The following NKAIN3 variants were observed in gnomAD, a reference collection of about 807,000 sequenced individuals.
NKAIN3 encodes sodium/potassium transporting ATPase interacting 3.
A neutral mutation model predicts 30.2 loss-of-function variants in NKAIN3; 25 were observed. The ratio of observed to expected loss-of-function variants is 0.83; its 90% CI spans 0.60 to 1.16. The LOEUF is 1.16. NKAIN3 is among the 50% of genes most tolerant of loss of function. NKAIN3 has a pLI of 0.00. For synonymous variants in NKAIN3, 91 were observed against 89.6 expected, an observed-to-expected ratio of 1.02 and a Z score of -0.09; for missense variants, 225 against 254.1, an observed-to-expected ratio of 0.89 and a Z score of 0.78.
intron 4 of NKAIN3, among the ~76,000 whole-genome samples, chr8:62,843,303 TTTAATTAATTAA>T (rs869033734): frequency 5.3e-5 from 8 of 151,352 alleles, no homozygotes; most frequent in African/African-American, 1.7e-4. Flanking sequence ...TTTTTCTTTT[TTTAATTAATTAA>T]TTAATTAATT....
intron 1 of NKAIN3, among the ~76,000 whole-genome samples, chr8:62,567,556 A>G (rs2130003708): frequency 6.6e-6 from 1 of 152,260 alleles, no homozygotes; most frequent in African/African-American, 2.4e-5. Context: ...GCTCAATGTA[A>G]TTATAAAGGT....
chr8:62,863,750 T>C (rs1820331104), intron 4 of NKAIN3: 1 of 1,604,200 alleles, frequency 6.2e-7, no homozygotes, highest in African/African-American at 1.3e-5. Context: ...TCTTTTCCCC[T>C]ACATATCCCA....
intron 4 of NKAIN3, among the ~76,000 whole-genome samples, chr8:62,756,048 C>G (rs1816442023): frequency 6.6e-6 from 1 of 152,120 alleles, no homozygotes; most frequent in South Asian, 2.1e-4. Flanking sequence ...GCAGTATACT[C>G]TCTTGGTGAA....
chr8:62,389,643 A>G (rs1024962159), intron 1 of NKAIN3, among the ~76,000 whole-genome samples: 34 of 152,228 alleles, frequency 2.2e-4, no homozygotes, highest in African/African-American at 7.5e-4. Flanking sequence ...TTGTGGATCT[A>G]TGTTGCCTAT....
intron 4 of NKAIN3, among the ~76,000 whole-genome samples, chr8:62,817,250 A>G (rs1032291358): frequency 5.9e-5 from 9 of 152,144 alleles, no homozygotes; most frequent in African/African-American, 2.2e-4. Context: ...TTAAATGTGC[A>G]CAGTTTAAAG....
rs1212042337 is a variant in NKAIN3 at position 62,333,495 on chromosome 8, A to G, written c.54+84368A>G. 1.3e-4 allele frequency among the ~76,000 whole-genome samples: 20 copies of G among 152,214 alleles called. No homozygotes were observed. The East Asian group carries it at 3.7e-3, about 28-fold the overall frequency. ...CTTAAGTGAGGTTTAATGTCAATTA[A>G]GAAACACTGCAGTGCCCTTACTGGA... On this transcript the variant is annotated intron_variant, in intron 1 of 6. Coordinates refer to ENST00000623646, the MANE Select transcript of NKAIN3 (RefSeq NM_001304533.3).
At chr8:62,316,274 G>A (rs1814623550) in intron 1 of NKAIN3, among the ~76,000 whole-genome samples, 1 of 151,886 alleles carries the variant, frequency 6.6e-6, no homozygotes, top group Non-Finnish European at 1.5e-5. Context: ...GCTCATTGTA[G>A]CATTTTGGAT....
downstream of NKAIN3, among the ~76,000 whole-genome samples, chr8:62,988,929 C>T (rs4425750): frequency 0.11 from 17,470 of 152,200 alleles, 1,155 homozygotes; most frequent in East Asian, 0.24. Context: ...AATTTCTTCC[C>T]CCAGATATGC....
chr8:62,526,134 G>A (rs921278849), intron 1 of NKAIN3, among the ~76,000 whole-genome samples: 1 of 152,142 alleles, frequency 6.6e-6, no homozygotes, highest in African/African-American at 2.4e-5. Context: ...ACTATGGAAT[G>A]AGAGAAGGGC....
intron 4 of NKAIN3, among the ~76,000 whole-genome samples, chr8:62,892,861 A>C (rs563618748): frequency 1.3e-5 from 2 of 152,164 alleles, no homozygotes; most frequent in Non-Finnish European, 2.9e-5. Context: ...AAGAGTTAAA[A>C]AATGGCAATG....
chr8:62,927,797 G>A (rs183559275), intron 5 of NKAIN3, among the ~76,000 whole-genome samples: 7 of 152,168 alleles, frequency 4.6e-5, no homozygotes, highest in African/African-American at 1.4e-4. Flanking sequence ...CATTCACACT[G>A]TTATACTAAA....
chr8:62,471,884 A>G (rs13270105), intron 1 of NKAIN3, among the ~76,000 whole-genome samples: 79,760 of 151,940 alleles, frequency 0.52, 21,757 homozygotes, highest in Non-Finnish European at 0.6. Flanking sequence ...GGTCAAGACT[A>G]TGGTGAGCTA....
At chr8:62,877,180 A>G (rs776825446) in intron 4 of NKAIN3, among the ~76,000 whole-genome samples, 2 of 152,086 alleles carry the variant, frequency 1.3e-5, no homozygotes, top group African/African-American at 4.8e-5. Context: ...GGAGCTCTGA[A>G]CCAAAGGCTC....
intron 4 of NKAIN3, among the ~76,000 whole-genome samples, chr8:62,827,340 C>T (rs187186754): frequency 6.6e-6 from 1 of 152,254 alleles, no homozygotes; most frequent in East Asian, 1.9e-4. Flanking sequence ...GCCTTCTCTG[C>T]AGTTTATATG....
chr8:62,467,109 T>C (rs979854041), intron 1 of NKAIN3, among the ~76,000 whole-genome samples: 1 of 152,274 alleles, frequency 6.6e-6, no homozygotes, highest in East Asian at 1.9e-4. Context: ...AGCTTCATTT[T>C]TATTTCTCAG....
intron 3 of NKAIN3, among the ~76,000 whole-genome samples, chr8:62,720,396 C>A (rs181789088): frequency 6.6e-6 from 1 of 152,242 alleles, no homozygotes; most frequent in Non-Finnish European, 1.5e-5. Flanking sequence ...GAGCAGAATT[C>A]ATGGTCATGA....
intron 4 of NKAIN3, among the ~76,000 whole-genome samples, chr8:62,804,150 C>T (rs1023846872): frequency 6.6e-6 from 1 of 152,112 alleles, no homozygotes; most frequent in African/African-American, 2.4e-5. Flanking sequence ...GAGTCCAGGA[C>T]CAGATGGATT....
At position 62,969,865 on chromosome 8, in the gene NKAIN3, G is replaced by A. The variant is rs80196615; in HGVS notation, c.*4458G>A. On this transcript the variant is annotated 3_prime_UTR_variant, in exon 7 of 7. Transcript: ENST00000623646. ...CCCAAAAGTGAACTGACAGAGGAAA[G>A]TACTCTTCATATAACTGCACAGTGA... Among the ~76,000 whole-genome samples the A allele has an allele frequency of 3.3e-5, 5 of 152,198 alleles. No homozygotes were observed. The East Asian group carries it at 9.7e-4, about 29-fold the overall frequency.
intron 3 of NKAIN3, among the ~76,000 whole-genome samples, chr8:62,675,157 A>T (rs1813435838): frequency 6.6e-6 from 1 of 152,160 alleles, no homozygotes. Flanking sequence ...ATCTTAAAGG[A>T]TTATTACATG....
Sources: allele counts gnomAD v4.1 joint callset (sites outside exome capture counted in the v4.1 genomes callset), GRCh38; gene constraint gnomAD v4.1.1; transcripts MANE v1.5; gene names NCBI Gene and HGNC (gene_info 2026-07-23, HGNC 2026-07-21).